Variants in ASIC2 observed in about 807,000 individuals in gnomAD.
ASIC2 encodes acid sensing ion channel subunit 2, also known as acid-sensing ion channel 2.
ASIC2 carries 25 observed loss-of-function variants against 57.3 expected under a neutral mutation model. The observed-to-expected ratio is 0.44, with a 90% CI of 0.32 to 0.61. ASIC2 has a LOEUF of 0.61. ASIC2 is among the 20% of genes least tolerant of loss of function. The pLI, the probability that ASIC2 is intolerant of heterozygous loss-of-function variation, is 0.06. For missense variants in ASIC2, 641 were observed against 738.1 expected, an observed-to-expected ratio of 0.87 and a Z score of 1.52; for synonymous variants, 319 against 307.5, an observed-to-expected ratio of 1.04 and a Z score of -0.39.
intron 1 of ASIC2, among the ~76,000 whole-genome samples, chr17:33,975,229 T>A (rs1238706139): frequency 6.6e-6 from 1 of 152,198 alleles, no homozygotes; most frequent in Non-Finnish European, 1.5e-5. Flanking sequence ...CTCCCCAGGA[T>A]GGAAGCCCCT....
rs2142115807 is a variant in ASIC2, at chr17:33,237,812, T to C, written c.708+53596A>G. The stretch of plus-strand genomic sequence containing the variant: ...CATCCTTTGGTGTTGCTATTGCTAA[T>C]GCTAACTGACATGGCTGGGGTAAGT... On this transcript the variant is annotated intron_variant, in intron 1 of 9. Transcript: ENST00000225823. Among the ~76,000 whole-genome samples the C allele has an allele frequency of 2.6e-5, 4 of 152,348 alleles. No homozygotes were observed. The Middle Eastern group carries it at 0.014, about 518-fold the overall frequency.
At chr17:33,393,753 A>C (rs999988710) in intron 1 of ASIC2, among the ~76,000 whole-genome samples, 2 of 152,162 alleles carry the variant, frequency 1.3e-5, no homozygotes, top group Admixed American at 6.5e-5. Flanking sequence ...GGGTTCATGG[A>C]GTAGACCCAC....
At chr17:33,953,367 A>T (rs1904638585) in intron 1 of ASIC2, among the ~76,000 whole-genome samples, 1 of 152,192 alleles carries the variant, frequency 6.6e-6, no homozygotes, top group South Asian at 2.1e-4. Flanking sequence ...TCAATCCAAT[A>T]GATTTTCATT....
chr17:33,644,222 C>T (rs576308511), intron 1 of ASIC2, among the ~76,000 whole-genome samples: 1 of 152,146 alleles, frequency 6.6e-6, no homozygotes, highest in Non-Finnish European at 1.5e-5. Context: ...TAACGTGTGC[C>T]TCCAATAACT....
At position 33,642,219 on chromosome 17, in the gene ASIC2, C is replaced by A. The variant is rs868084856; in HGVS notation, c.555+513759G>T. 1.3e-3 allele frequency among the ~76,000 whole-genome samples: 178 copies of A among 140,300 alleles called. No individual in the cohort carries two copies. The Middle Eastern group carries it at 0.015, about 12-fold the overall frequency. The allele number at this position is 140,300 out of a possible 152,430, so 92.0% of individuals were successfully genotyped here. Reference sequence around the variant, plus strand: ...GGAGCAAAAGGACACCCCCCCCCCCCCCACACACAATGGTTATGGCTGCAC... The same window carrying A: ...GGAGCAAAAGGACACCCCCCCCCCCACCACACACAATGGTTATGGCTGCAC... On this transcript the variant is annotated intron_variant, in intron 1 of 9. Coordinates refer to the ASIC2 transcript ENST00000359872.
At chr17:33,151,543 CCCCAA>C (rs1904800061) in intron 1 of ASIC2, among the ~76,000 whole-genome samples, 1 of 152,130 alleles carries the variant, frequency 6.6e-6, no homozygotes, top group Non-Finnish European at 1.5e-5. Flanking sequence ...GAAACTTAAT[CCCCAA>C]TGCAACAGTG....
At chr17:33,082,251 T>C (rs999066537) in intron 3 of ASIC2, among the ~76,000 whole-genome samples, 5 of 151,818 alleles carry the variant, frequency 3.3e-5, no homozygotes, top group Non-Finnish European at 5.9e-5. Flanking sequence ...TTGCCCAGAA[T>C]CTCTAGATTC....
At chr17:33,506,238 C>CAAAAAAAAA (rs533194191) in intron 1 of ASIC2, among the ~76,000 whole-genome samples, 78 of 113,802 alleles carry the variant, frequency 6.9e-4, no homozygotes, top group Non-Finnish European at 9.8e-4. Context: ...ACTAAAAATA[C>CAAAAAAAAA]AAAAAAAAAA....
At chr17:33,547,592 C>T (rs1915620335) in intron 1 of ASIC2, among the ~76,000 whole-genome samples, 1 of 152,182 alleles carries the variant, frequency 6.6e-6, no homozygotes, top group Admixed American at 6.5e-5. Context: ...GCCATTGGAC[C>T]TATGGATAGT....
chr17:33,596,863 A>C (rs1048713106), intron 1 of ASIC2, among the ~76,000 whole-genome samples: 6 of 152,236 alleles, frequency 3.9e-5, no homozygotes, highest in Non-Finnish European at 8.8e-5. Context: ...GAGCGGGTAC[A>C]TAGACTCCGT....
intron 1 of ASIC2, chr17:33,936,553 G>C (rs1916067046): frequency 6.6e-6 from 1 of 152,176 alleles, no homozygotes; most frequent in Non-Finnish European, 1.5e-5. Context: ...CAGGCCAGAA[G>C]GGAAACTACT....
chr17:33,756,867 C>T (rs988167418), intron 1 of ASIC2, among the ~76,000 whole-genome samples: 9 of 152,176 alleles, frequency 5.9e-5, no homozygotes, highest in African/African-American at 1.4e-4. Flanking sequence ...ACAACACAGA[C>T]GTAGGGTCTT....
intron 1 of ASIC2, chr17:33,794,365 A>G (rs1421885382): frequency 6.6e-6 from 1 of 152,194 alleles, no homozygotes; most frequent in African/African-American, 2.4e-5. Context: ...AGGGTGTAAA[A>G]TGCCCTTCCT....
chr17:33,073,746 A>G (rs2092078585), intron 3 of ASIC2, among the ~76,000 whole-genome samples: 1 of 152,244 alleles, frequency 6.6e-6, no homozygotes, highest in Admixed American at 6.5e-5. Context: ...TGGAGAAAAC[A>G]ATATCAAAAT....
intron 1 of ASIC2, among the ~76,000 whole-genome samples, chr17:33,134,265 A>G (rs55633414): frequency 0.014 from 2,168 of 152,338 alleles, 34 homozygotes; most frequent in Middle Eastern, 0.031. Context: ...GCTGGGATTC[A>G]CACCGAGGTC....
chr17:33,813,859 C>T (rs566461399), intron 1 of ASIC2, among the ~76,000 whole-genome samples: 3 of 152,316 alleles, frequency 2.0e-5, no homozygotes, highest in Admixed American at 1.3e-4. Context: ...TGGGAACAGG[C>T]ACTTCATACC....
intron 1 of ASIC2, among the ~76,000 whole-genome samples, chr17:33,480,462 G>A (rs1178740635): frequency 1.3e-5 from 2 of 152,160 alleles, no homozygotes; most frequent in African/African-American, 2.4e-5. Context: ...TGGCAGTCTG[G>A]AGAAAGGAGC....
At chr17:33,424,899 C>T (rs1417034059) in intron 1 of ASIC2, among the ~76,000 whole-genome samples, 1 of 152,230 alleles carries the variant, frequency 6.6e-6, no homozygotes, top group Non-Finnish European at 1.5e-5. Context: ...CTGGGAGCCA[C>T]TTGCACCTTC....
At chr17:33,414,613 T>C (rs539498834) in intron 1 of ASIC2, among the ~76,000 whole-genome samples, 1 of 152,330 alleles carries the variant, frequency 6.6e-6, no homozygotes, top group Non-Finnish European at 1.5e-5. Flanking sequence ...ATGTGCCCAC[T>C]GAGGCCATTG....
Sources: allele counts gnomAD v4.1 joint callset (sites outside exome capture counted in the v4.1 genomes callset), GRCh38; gene constraint gnomAD v4.1.1; transcripts MANE v1.5; gene names NCBI Gene and HGNC (gene_info 2026-07-23, HGNC 2026-07-21).